Variants in PTPRM observed in about 807,000 individuals in gnomAD.
The protein encoded by PTPRM is receptor-type tyrosine-protein phosphatase mu.
Under a neutral mutation model 186.7 loss-of-function variants are expected in PTPRM, and 47 were observed. The ratio of observed to expected loss-of-function variants is 0.25; its 90% CI spans 0.20 to 0.32. PTPRM has a LOEUF of 0.32. Ranked by LOEUF, PTPRM falls within the 10% of genes least tolerant of loss-of-function variation. The pLI, the probability that PTPRM is intolerant of heterozygous loss-of-function variation, is 1.00. For missense variants in PTPRM, 1,494 were observed against 1,865.0 expected, an observed-to-expected ratio of 0.80 and a Z score of 3.66; for synonymous variants, 668 against 674.9, an observed-to-expected ratio of 0.99 and a Z score of 0.16.
At chr18:7,966,267 G>A (rs2054043925) in intron 7 of PTPRM, among the ~76,000 whole-genome samples, 1 of 152,138 alleles carries the variant, frequency 6.6e-6, no homozygotes, top group Non-Finnish European at 1.5e-5. Context: ...AGAGCTGTTT[G>A]ATACCAAAAT....
chr18:7,852,448 G>A (rs148852341), intron 2 of PTPRM, among the ~76,000 whole-genome samples: 78 of 152,122 alleles, frequency 5.1e-4, no homozygotes, highest in African/African-American at 1.8e-3. Context: ...ACAACTTTGG[G>A]AGGCCGAGAC....
At chr18:8,343,388 C>A in intron 22 of PTPRM, 35 bp from the exon 23 acceptor site, 1 of 1,597,210 alleles carries the variant, frequency 6.3e-7, no homozygotes, top group Non-Finnish European at 8.5e-7. Flanking sequence ...AAACTTACAA[C>A]AAAAACAAAA....
At chr18:8,282,253 A>G (rs927723101) in intron 19 of PTPRM, among the ~76,000 whole-genome samples, 1 of 152,214 alleles carries the variant, frequency 6.6e-6, no homozygotes, top group African/African-American at 2.4e-5. Context: ...CAAAATAAAA[A>G]GCAGAGACAA....
intron 7 of PTPRM, among the ~76,000 whole-genome samples, chr18:8,064,375 CTATT>C (rs1460621298): frequency 8.9e-6 from 1 of 112,944 alleles, no homozygotes; most frequent in Admixed American, 8.9e-5. Context: ...TTCTGTAAGA[CTATT>C]TTTTTTTTTG....
rs750861332 is a variant in PTPRM at position 8,252,517 on chromosome 18, C to T, written c.2566+18C>T. ...AATAAATGGTAAGTTCCCCGATTCGCCCCATGGAAGAGTTGTGGAGGGAGT... is the reference window on the plus strand; with the variant it reads ...AATAAATGGTAAGTTCCCCGATTCGTCCCATGGAAGAGTTGTGGAGGGAGT... On this transcript the variant is annotated intron_variant, in intron 18 of 32. Coordinates refer to ENST00000580170, the MANE Select transcript of PTPRM (RefSeq NM_001105244.2). 8 of 1,544,252 alleles carry T rather than the reference C, an allele frequency of 5.2e-6. No individual in the cohort carries two copies. The highest frequency in any genetic ancestry group is 7.2e-6 in the Non-Finnish European group (8 of 1,116,438).
intron 19 of PTPRM, among the ~76,000 whole-genome samples, chr18:8,286,148 T>C (rs1338853949): frequency 1.3e-5 from 2 of 152,222 alleles, no homozygotes; most frequent in Admixed American, 1.3e-4. Context: ...CCTCGTGAGT[T>C]GCTGCTGAGT....
chr18:7,689,299 G>A (rs1424551509), intron 1 of PTPRM, among the ~76,000 whole-genome samples: 2 of 152,190 alleles, frequency 1.3e-5, no homozygotes, highest in African/African-American at 4.8e-5. Flanking sequence ...TGAGTTCTAG[G>A]CAGTGTCATC....
rs1019730979 is a variant in PTPRM, at chr18:8,406,132, G to A, written c.4368G>A (p.Glu1456=). 6.2e-6 allele frequency: 10 copies of A among 1,614,026 alleles called. No homozygotes were observed. Among genetic ancestry groups the A allele is most frequent in the Admixed American group, 5.0e-5 (3 of 60,004 alleles). ...AGGATCAGTACAAGTTCTGCTACGA[G>A]GTGGCCCTGGAATACTTGAATTCTG... is the stretch of plus-strand genomic sequence containing the variant. ...DLLDQYKFCY[E]VALEYLNSG The change falls in exon 33 of 33, where the codon GAG becomes GAA. Residue 1456 remains glutamate, a synonymous_variant. Transcript: ENST00000580170.
intron 1 of PTPRM, among the ~76,000 whole-genome samples, chr18:7,705,906 A>G (rs1336009652): frequency 6.7e-6 from 1 of 150,072 alleles, no homozygotes; most frequent in Non-Finnish European, 1.5e-5. Flanking sequence ...TTTTTCTTAC[A>G]GTTTCTTTAA....
chr18:7,883,146 G>C (rs2048592581), intron 2 of PTPRM, among the ~76,000 whole-genome samples: 1 of 152,118 alleles, frequency 6.6e-6, no homozygotes, highest in African/African-American at 2.4e-5. Flanking sequence ...TGACTTAAGG[G>C]TGTTTTGTTA....
chr18:7,695,205 G>A (rs971972118), intron 1 of PTPRM, among the ~76,000 whole-genome samples: 1 of 152,150 alleles, frequency 6.6e-6, no homozygotes, highest in African/African-American at 2.4e-5. Context: ...CACTTATCAA[G>A]CAAACCTACA....
rs1243903549 is a variant in PTPRM, at chr18:7,883,583, C to A, written c.197-4523C>A. 5.3e-5 allele frequency among the ~76,000 whole-genome samples: 8 copies of A among 152,154 alleles called. No individual in the cohort carries two copies. In the East Asian group the frequency reaches 1.5e-3, roughly 29 times the overall value. On this transcript the variant is annotated intron_variant, in intron 2 of 32. Coordinates refer to ENST00000580170, the MANE Select transcript of PTPRM (RefSeq NM_001105244.2). ...AACTCATTGGCACATAATAGTACAC[C>A]ACTGTCAGGAAACACGAGTGTGGAT... is the stretch of plus-strand genomic sequence containing the variant.
chr18:8,370,561 T>G (rs751182374), intron 23 of PTPRM, among the ~76,000 whole-genome samples: 4 of 152,206 alleles, frequency 2.6e-5, no homozygotes, highest in Non-Finnish European at 1.5e-5. Flanking sequence ...TATTGCAAAC[T>G]TCCTTCACAG....
chr18:7,942,205 C>G (rs1444169778), intron 5 of PTPRM, among the ~76,000 whole-genome samples: 2 of 151,566 alleles, frequency 1.3e-5, no homozygotes, highest in East Asian at 1.9e-4. Flanking sequence ...ATTGCTTGAA[C>G]CTGGGAGGCG....
Position 8,304,491 on chromosome 18 carries a change from C to CT in PTPRM, c.2842+8043dup, listed in dbSNP as rs1465423444. 5.9e-5 allele frequency among the ~76,000 whole-genome samples: 9 copies of CT among 152,050 alleles called. No homozygotes were observed. In the East Asian group the frequency reaches 1.5e-3, roughly 26 times the overall value. ...TTTTCTCTGTTTCATCTAGTAAAGG[C>CT]TTTTTTTGAGAGATATGAGACAAAT... On this transcript the variant is annotated intron_variant, in intron 20 of 32. Transcript: ENST00000580170.
chr18:8,012,940 G>A lies in PTPRM; in HGVS notation c.1133-56746G>A, dbSNP rs140316307. ...CTCAAGGGTGATTGGCAGTGGCCTC[G>A]TGCTGCCTCTTGCACTGGGGAGGGT... is the stretch of plus-strand genomic sequence containing the variant. On this transcript the variant is annotated intron_variant, in intron 7 of 32. Coordinates refer to ENST00000580170, the MANE Select transcript of PTPRM (RefSeq NM_001105244.2). Among the ~76,000 whole-genome samples the A allele has an allele frequency of 8.2e-3, 1,251 of 152,158 alleles. 7 individuals are homozygous for A. The highest frequency in any genetic ancestry group is 0.034 in the South Asian group (163 of 4,816).
At chr18:7,951,052 T>G (rs551828689) in intron 6 of PTPRM, among the ~76,000 whole-genome samples, 17 of 152,314 alleles carry the variant, frequency 1.1e-4, no homozygotes, top group African/African-American at 3.8e-4. Flanking sequence ...CATTAAGATA[T>G]CTACTCGGAT....
intron 1 of PTPRM, among the ~76,000 whole-genome samples, chr18:7,580,104 C>G (rs536543276): frequency 2.5e-4 from 38 of 152,302 alleles, no homozygotes; most frequent in African/African-American, 9.1e-4. Flanking sequence ...TTTAGATTCT[C>G]CCTTGTAAAA....
At chr18:8,045,029 A>G (rs1261293666) in intron 7 of PTPRM, among the ~76,000 whole-genome samples, 1 of 152,114 alleles carries the variant, frequency 6.6e-6, no homozygotes, top group Non-Finnish European at 1.5e-5. Context: ...TACCTAGCAC[A>G]TGTGAAAACA....
Sources: allele counts gnomAD v4.1 joint callset (sites outside exome capture counted in the v4.1 genomes callset), GRCh38; gene constraint gnomAD v4.1.1; transcripts MANE v1.5; gene names NCBI Gene and HGNC (gene_info 2026-07-23, HGNC 2026-07-21).